The following POGLUT3 variants were observed in gnomAD, a reference collection of about 807,000 sequenced individuals.
POGLUT3 encodes KDEL (Lys-Asp-Glu-Leu) containing 2.
In POGLUT3, 48 loss-of-function variants were observed where a neutral mutation model predicts 54.3. That is an observed-to-expected ratio of 0.88 (90% confidence interval 0.70 to 1.12). The LOEUF is 1.12. Ranked by LOEUF, POGLUT3 falls within the 50% of genes most tolerant of loss-of-function variation. The probability of loss-of-function intolerance (pLI) is 0.00; values close to 1 mark genes in which losing one functional copy is unlikely to be tolerated. For synonymous variants in POGLUT3, 218 were observed against 237.4 expected, an observed-to-expected ratio of 0.92 and a Z score of 0.75; for missense variants, 629 against 618.7, an observed-to-expected ratio of 1.02 and a Z score of -0.18.
At chr11:108,484,163 C>G (rs902648942) in intron 3 of POGLUT3, among the ~76,000 whole-genome samples, 1 of 152,004 alleles carries the variant, frequency 6.6e-6, no homozygotes, top group Non-Finnish European at 1.5e-5. Flanking sequence ...TTGTGACAAC[C>G]AAAAATGTCT....
chr11:108,486,344 T>C lies in POGLUT3; in HGVS notation c.497A>G (p.Asp166Gly). 1 of 1,614,146 alleles carries C rather than the reference T, an allele frequency of 6.2e-7. No individual in the cohort carries two copies. The highest frequency in any genetic ancestry group is 1.3e-5 in the African/African-American group (1 of 75,018). Residue 166 changes from aspartate (D) to glycine (G), a missense_variant, in exon 3 of 8, where the codon GAT (aspartate) becomes GGT (glycine). By Grantham distance (94) the Asp-to-Gly change is moderately conservative. Coordinates refer to ENST00000323468, the MANE Select transcript of POGLUT3 (RefSeq NM_153705.5). Reference protein sequence around the residue: ...CPTKEPQIAKDFASFPSINLQ... With the variant: ...CPTKEPQIAKGFASFPSINLQ... ...ATTGATGCTGGGAAAGGAAGCAAAATCTTTTGCAATCTGTGGTTCCTTGGT... is the reference window on the plus strand; with the variant it reads ...ATTGATGCTGGGAAAGGAAGCAAAACCTTTTGCAATCTGTGGTTCCTTGGT...
In POGLUT3 at chr11:108,479,444, A is replaced by G. The variant is rs1432950813; in HGVS notation, c.1150T>C (p.Tyr384His). Reference protein sequence around the residue: ...DGTVAAYRYPYLMLGDSLVLK... With the variant: ...DGTVAAYRYPHLMLGDSLVLK... ...ACCAGACTGTCGCCCAGCATGAGAT[A>G]TGGATATCTGTAAGCAGCCACGGTC... The change falls in exon 6 of 8, where the codon TAT (tyrosine) becomes CAT (histidine). Residue 384 changes from tyrosine (Y) to histidine (H), a missense_variant. Coordinates refer to ENST00000323468, the MANE Select transcript of POGLUT3 (RefSeq NM_153705.5). 4 of 1,612,518 alleles carry G rather than the reference A, an allele frequency of 2.5e-6. No individual in the cohort carries two copies. In the East Asian group the frequency reaches 8.9e-5, roughly 36 times the overall value.
rs776644911 is a variant in POGLUT3 at position 108,482,181 on chromosome 11, A to G, written c.726T>C (p.Asp242=). 3.1e-6 allele frequency: 5 copies of G among 1,614,014 alleles called. No homozygotes were observed. Among genetic ancestry groups the G allele is most frequent in the South Asian group, 2.2e-5 (2 of 91,036 alleles). ...PDLEFYVNLG[D]WPLEHRKVNG... Reference sequence around the variant, plus strand: ...TGACTTTTCGATGCTCCAAGGGCCAATCTCCAAGATTAACATAAAATTCTA... The same window carrying G: ...TGACTTTTCGATGCTCCAAGGGCCAGTCTCCAAGATTAACATAAAATTCTA... Residue 242 remains aspartate (D), a synonymous_variant, in exon 4 of 8, where the codon GAT becomes GAC. Transcript: ENST00000323468.
At chr11:108,486,669 C>A in intron 2 of POGLUT3, 3 of 491,504 alleles carry the variant, frequency 6.1e-6, no homozygotes, top group Non-Finnish European at 1.1e-5. Flanking sequence ...CTAACCTACT[C>A]TCGGTCACTT....
intron 7 of POGLUT3, among the ~76,000 whole-genome samples, chr11:108,475,471 T>TGG (rs1555182489): frequency 7.0e-6 from 1 of 142,208 alleles, no homozygotes; most frequent in Non-Finnish European, 1.5e-5. Context: ...TTGTTTTTGT[T>TGG]TTTTTTTTTT....
chr11:108,488,729 T>A (rs2093608059), intron 2 of POGLUT3, among the ~76,000 whole-genome samples: 1 of 152,192 alleles, frequency 6.6e-6, no homozygotes, highest in African/African-American at 2.4e-5. Context: ...ATATTTAGAA[T>A]GATAATGACA....
chr11:108,491,200 A>G, intron 1 of POGLUT3, 33 bp from the exon 2 acceptor site: 8 of 1,504,912 alleles, frequency 5.3e-6, no homozygotes, highest in Non-Finnish European at 7.4e-6. Flanking sequence ...CAACTCTACC[A>G]TGTCATGATA....
chr11:108,476,147 A>T (rs1366400453), intron 7 of POGLUT3, among the ~76,000 whole-genome samples: 1 of 151,896 alleles, frequency 6.6e-6, no homozygotes, highest in Non-Finnish European at 1.5e-5. Context: ...AAATATATAT[A>T]TTTTTAGATG....
At position 108,474,669 on chromosome 11, in the gene POGLUT3, G is replaced by C; in HGVS notation, c.*158C>G. 2 of 626,040 alleles carry C rather than the reference G, an allele frequency of 3.2e-6. No homozygotes were observed. The highest frequency in any genetic ancestry group is 5.2e-6 in the Non-Finnish European group (2 of 386,756). 38.8% of individuals were successfully genotyped at this position (626,040 alleles called of 1,614,324 possible). On this transcript the variant is annotated 3_prime_UTR_variant, in exon 8 of 8. Transcript: ENST00000323468. Reference sequence around the variant, plus strand: ...TCCTGGTCCTAAGCATTTCAGATGAGGGATACTCAACCAGTACTGCTATAT... The same window carrying C: ...TCCTGGTCCTAAGCATTTCAGATGACGGATACTCAACCAGTACTGCTATAT...
chr11:108,485,309 G>A (rs1209985402), intron 3 of POGLUT3, among the ~76,000 whole-genome samples: 1 of 152,170 alleles, frequency 6.6e-6, no homozygotes, highest in East Asian at 1.9e-4. Flanking sequence ...ATCTAAGCAG[G>A]AGTAGTATTC....
chr11:108,486,402 G>T lies in POGLUT3; in HGVS notation c.439C>A (p.Pro147Thr). ...YHEYCECPED[P>T]QAWQKTLSCP... Reference sequence around the variant, plus strand: ...GAAAGAGTCTTCTGCCAGGCCTGAGGATCTTCCGGACACTCACAGTACTCA... The same window carrying T: ...GAAAGAGTCTTCTGCCAGGCCTGAGTATCTTCCGGACACTCACAGTACTCA... Residue 147 changes from proline to threonine, a missense_variant, in exon 3 of 8, where the codon CCT (proline) becomes ACT (threonine). Pro to Thr is a conservative substitution (Grantham distance 38). Transcript: ENST00000323468. The T allele has an allele frequency of 6.2e-7, 1 of 1,614,050 alleles. No homozygotes were observed. The highest frequency in any genetic ancestry group is 8.5e-7 in the Non-Finnish European group (1 of 1,180,006).
intron 3 of POGLUT3, among the ~76,000 whole-genome samples, chr11:108,485,166 C>T (rs1459775238): frequency 6.6e-6 from 1 of 151,916 alleles, no homozygotes; most frequent in Non-Finnish European, 1.5e-5. Context: ...CAACCTGTTT[C>T]TGGTAGCCCA....
In POGLUT3 at chr11:108,482,305, C is replaced by T. The variant is rs550711822; in HGVS notation, c.685-83G>A. The T allele has an allele frequency of 9.8e-5, 95 of 966,820 alleles. 1 individual carries two copies. The South Asian group carries it at 1.3e-3, about 13-fold the overall frequency. 59.9% of individuals were successfully genotyped at this position (966,820 alleles called of 1,614,324 possible). ...GTACAACAGTTCTTTGGTTTTCTTA[C>T]ATATTTTTGACAGGGCTAACCATTC... is the stretch of plus-strand genomic sequence containing the variant. On this transcript the variant is annotated intron_variant, in intron 3 of 7. Coordinates refer to ENST00000323468, the MANE Select transcript of POGLUT3 (RefSeq NM_153705.5).
intron 1 of POGLUT3, among the ~76,000 whole-genome samples, chr11:108,497,215 A>G (rs955618321): frequency 1.3e-5 from 2 of 152,240 alleles, no homozygotes; most frequent in African/African-American, 4.8e-5. Context: ...TCAAAGAAGT[A>G]TTTCTTGAAT....
intron 6 of POGLUT3, chr11:108,478,273 C>T (rs970646257): frequency 1.3e-5 from 2 of 153,104 alleles, no homozygotes; most frequent in Non-Finnish European, 2.9e-5. Context: ...TGTTTGGCCC[C>T]TCTTCCACAG....
At chr11:108,487,497 A>C (rs1166698162) in intron 2 of POGLUT3, among the ~76,000 whole-genome samples, 2 of 152,140 alleles carry the variant, frequency 1.3e-5, no homozygotes, top group Non-Finnish European at 2.9e-5. Context: ...GTAGGCAAAA[A>C]CAGGTAGTCT....
intron 1 of POGLUT3, among the ~76,000 whole-genome samples, chr11:108,495,966 T>C (rs2093621534): frequency 1.3e-5 from 2 of 152,162 alleles, no homozygotes; most frequent in Non-Finnish European, 2.9e-5. Context: ...AGAAACTGTC[T>C]GTAAACTTTT....
In POGLUT3 at chr11:108,482,205, T is replaced by C. The variant is rs2135851827; in HGVS notation, c.702A>G (p.Leu234=). 1 of 1,613,536 alleles carries C rather than the reference T, an allele frequency of 6.2e-7. No homozygotes were observed. Among genetic ancestry groups the C allele is most frequent in the Non-Finnish European group, 8.5e-7 (1 of 1,179,536 alleles). Residue 234 remains leucine, a synonymous_variant, in exon 4 of 8, where the codon TTA becomes TTG. Transcript: ENST00000323468. The part of the protein sequence containing the change: ...SLTRKVLLPD[L]EFYVNLGDWP... ...AATCTCCAAGATTAACATAAAATTC[T>C]AAATCTGGGAGAAGGACCTAAATAA...
chr11:108,472,724 A>C lies in POGLUT3; in HGVS notation c.*2103T>G, dbSNP rs923412119. On this transcript the variant is annotated 3_prime_UTR_variant, in exon 8 of 8. Transcript: ENST00000323468. ...TTAGCACCTGGAATTTGAGGCAGAA[A>C]GGTATGAGTTAGGCAACCTTTCTTG... The C allele has an allele frequency of 3.3e-5, 5 of 152,238 alleles. No homozygotes were observed. Among genetic ancestry groups the C allele is most frequent in the African/African-American group, 4.8e-5 (2 of 41,464 alleles). The allele number at this position is 152,238 out of a possible 1,614,324, so 9.4% of individuals were successfully genotyped here. A position where few individuals can be genotyped will look rare whatever the true frequency, so the allele number is the denominator to read the frequency against.
Sources: gnomAD v4.1 joint callset for allele counts (sites outside exome capture counted in the v4.1 genomes callset) on GRCh38, gnomAD v4.1.1 for gene constraint, MANE v1.5 for transcripts, NCBI Gene and HGNC (gene_info 2026-07-23, HGNC 2026-07-21) for gene names.